The following ZYG11B variants were observed in gnomAD, a reference collection of about 807,000 sequenced individuals.
ZYG11B encodes zyg-11 family member B, cell cycle regulator.
ZYG11B carries 36 observed loss-of-function variants against 82.4 expected under a neutral mutation model. The observed-to-expected ratio is 0.44, with a 90% confidence interval of 0.33 to 0.58. The LOEUF is 0.58. Among genes scored for constraint, ZYG11B ranks in the 20% least tolerant of loss-of-function variants. The pLI, the probability that ZYG11B is intolerant of heterozygous loss-of-function variation, is 0.02. For missense variants in ZYG11B, 552 were observed against 895.6 expected, an observed-to-expected ratio of 0.62 and a Z score of 4.90; for synonymous variants, 303 against 312.8, an observed-to-expected ratio of 0.97 and a Z score of 0.33.
intron 1 of ZYG11B, among the ~76,000 whole-genome samples, chr1:52,743,402 T>TAAAAAA (rs71044414): frequency 2.5e-3 from 173 of 68,856 alleles, no homozygotes; most frequent in Non-Finnish European, 3.2e-3. Context: ...CAATAAATAC[T>TAAAAAA]AAAAAAAAAA....
chr1:52,797,852 G>T (rs895994248), intron 8 of ZYG11B, among the ~76,000 whole-genome samples: 1 of 151,764 alleles, frequency 6.6e-6, no homozygotes, highest in Admixed American at 6.6e-5. Flanking sequence ...CTAGGCATGC[G>T]GTGACCCACA....
intron 4 of ZYG11B, among the ~76,000 whole-genome samples, chr1:52,783,895 C>CGTGTGTGTGTATGTACATACAG (rs764675732): frequency 8.7e-6 from 1 of 115,232 alleles, no homozygotes; most frequent in Non-Finnish European, 1.6e-5. Context: ...TGTACATACA[C>CGTGTGTGTGTATGTACATACAG]GTGTGTGTAT....
chr1:52,764,383 C>T (rs1341220147), intron 2 of ZYG11B, among the ~76,000 whole-genome samples: 1 of 151,954 alleles, frequency 6.6e-6, no homozygotes, highest in Non-Finnish European at 1.5e-5. Context: ...GATCCACCTG[C>T]CTTGGCCTCC....
intron 1 of ZYG11B, among the ~76,000 whole-genome samples, chr1:52,739,806 A>G (rs1276851184): frequency 6.6e-6 from 1 of 151,814 alleles, no homozygotes; most frequent in Non-Finnish European, 1.5e-5. Flanking sequence ...TGGTTTCACC[A>G]TGTTGGCCGG....
intron 2 of ZYG11B, among the ~76,000 whole-genome samples, chr1:52,760,538 T>A (rs977911631): frequency 6.6e-6 from 1 of 152,206 alleles, no homozygotes; most frequent in Non-Finnish European, 1.5e-5. Flanking sequence ...ACATATACAT[T>A]TAAAATTTTT....
chr1:52,808,269 C>T (rs1373645883), intron 10 of ZYG11B, among the ~76,000 whole-genome samples: 1 of 152,040 alleles, frequency 6.6e-6, no homozygotes, highest in Non-Finnish European at 1.5e-5. Flanking sequence ...GAGGCTGAGA[C>T]AGGAGAATCG....
chr1:52,785,085 C>T lies in ZYG11B; in HGVS notation c.1269+32C>T, dbSNP rs775678498. ...TTATGTGAATTCCTTTTCAAATAGT[C>T]CTTGTAGTGTCTTCTACTCATCTCC... is the stretch of plus-strand genomic sequence containing the variant. On this transcript the variant is annotated intron_variant, in intron 5 of 13. Transcript: ENST00000294353. The T allele has an allele frequency of 2.5e-6, 4 of 1,601,372 alleles. No individual in the cohort carries two copies. The African/African-American group carries it at 5.4e-5, about 22-fold the overall frequency.
intron 1 of ZYG11B, among the ~76,000 whole-genome samples, chr1:52,750,526 G>A (rs1644512989): frequency 6.6e-6 from 1 of 152,086 alleles, no homozygotes; most frequent in African/African-American, 2.4e-5. Flanking sequence ...GCCTGCCTTG[G>A]CCTCTCAAAG....
intron 2 of ZYG11B, among the ~76,000 whole-genome samples, chr1:52,762,977 G>GT (rs1491157825): frequency 1.3e-5 from 1 of 76,678 alleles, no homozygotes; most frequent in Admixed American, 1.2e-4. Flanking sequence ...GTGAGAGATT[G>GT]GGGGGGGGGG....
intron 2 of ZYG11B, among the ~76,000 whole-genome samples, chr1:52,764,516 T>C (rs1238274184): frequency 1.3e-5 from 2 of 152,148 alleles, no homozygotes; most frequent in African/African-American, 4.8e-5. Context: ...ATTAATTTGC[T>C]CTTTGACCCT....
rs564402518 is a variant in ZYG11B at position 52,771,301 on chromosome 1, C to T, written c.478C>T (p.Arg160Trp). 55 of 1,614,216 alleles carry T rather than the reference C, an allele frequency of 3.4e-5. No homozygotes were observed. Among genetic ancestry groups the T allele is most frequent in the South Asian group, 3.3e-4 (30 of 91,084 alleles). The change falls in exon 3 of 14, where the codon CGG becomes TGG. Residue 160 changes from arginine (R) to tryptophan (W), a missense_variant. Physicochemically the swap from Arg to Trp is moderately radical, Grantham distance 101 (BLOSUM62 -3). This residue lies in a region of ZYG11B where 359 missense variants were observed against 555.8 expected (regional missense o/e 0.65). Coordinates refer to ENST00000294353, the MANE Select transcript of ZYG11B (RefSeq NM_024646.3). This position sits in a 1 kb window ranked among gnomAD's most constrained non-coding sequence, Gnocchi z 5.4. ...GGATCCTTACGAGCGCTGCTTCAGC[C>T]GGCTTTCTGGCCTTCGAGCTTTAAG... ...LEDPYERCFS[R>W]LSGLRALSIT...
chr1:52,813,207 A>G (rs1645198821), intron 10 of ZYG11B, among the ~76,000 whole-genome samples: 1 of 152,076 alleles, frequency 6.6e-6, no homozygotes, highest in Non-Finnish European at 1.5e-5. Context: ...CACCCTTGTC[A>G]TTACTGAGCC....
At chr1:52,786,806 T>C (rs1644916658) in intron 5 of ZYG11B, among the ~76,000 whole-genome samples, 1 of 150,460 alleles carries the variant, frequency 6.6e-6, no homozygotes, top group African/African-American at 2.5e-5. Context: ...AAAAGAATGT[T>C]CGAGCCGGGC....
chr1:52,813,531 TCCAG>T lies in ZYG11B; in HGVS notation c.1696-4_1696-1del. The T allele has an allele frequency of 6.3e-7, 1 of 1,596,086 alleles. No homozygotes were observed. On this transcript the variant is annotated splice_acceptor_variant and splice_polypyrimidine_tract_variant and intron_variant, in intron 10 of 13. Coordinates refer to ENST00000294353, the MANE Select transcript of ZYG11B (RefSeq NM_024646.3). LOFTEE classifies it high-confidence loss of function. ...TAATTTTTATATTTTCTTTTTTTTTTCCAGAACAATATAGCTGAAGTACAAGAAT... is the reference window on the plus strand; with the variant it reads ...TAATTTTTATATTTTCTTTTTTTTTTAACAATATAGCTGAAGTACAAGAAT...
chr1:52,809,482 C>T (rs1442422938), intron 10 of ZYG11B, among the ~76,000 whole-genome samples: 15 of 152,076 alleles, frequency 9.9e-5, no homozygotes, highest in South Asian at 2.1e-4. Flanking sequence ...CCACCGCGCC[C>T]GGCCACAAAT....
Position 52,821,583 on chromosome 1 carries a change from G to A in ZYG11B, c.2189G>A (p.Gly730Glu). 1 of 1,613,954 alleles carries A rather than the reference G, an allele frequency of 6.2e-7. No individual in the cohort carries two copies. Among genetic ancestry groups the A allele is most frequent in the Non-Finnish European group, 8.5e-7 (1 of 1,179,956 alleles). Residue 730 changes from glycine to glutamate, a missense_variant, in exon 14 of 14, where the codon GGG becomes GAG. Physicochemically the swap from Gly to Glu is moderately conservative, Grantham distance 98. Transcript: ENST00000294353. ...DSLEKHIVRHGRPPPCKKQPQ... is the reference protein window; with the variant it reads ...DSLEKHIVRHERPPPCKKQPQ... ...TTAGAAAAACACATTGTGCGCCATG[G>A]GAGGCCACCTCCCTGTAAAAAACAG... is the stretch of plus-strand genomic sequence containing the variant.
intron 10 of ZYG11B, among the ~76,000 whole-genome samples, chr1:52,803,265 T>TACACAC (rs1227030663): frequency 6.9e-5 from 5 of 72,348 alleles, no homozygotes; most frequent in Non-Finnish European, 1.3e-4. Context: ...TATATATATA[T>TACACAC]ACACACACAC....
intron 13 of ZYG11B, among the ~76,000 whole-genome samples, chr1:52,819,924 A>AT (rs1010567590): frequency 2.0e-4 from 30 of 146,624 alleles, no homozygotes; most frequent in Non-Finnish European, 2.6e-4. Flanking sequence ...ATTTTATTTT[A>AT]TTTTTTTTTT....
chr1:52,755,072 TG>T (rs1310159318), intron 1 of ZYG11B, among the ~76,000 whole-genome samples: 1 of 151,198 alleles, frequency 6.6e-6, no homozygotes, highest in Non-Finnish European at 1.5e-5. Context: ...GCCATTCTCC[TG>T]CCTCAGCCAC....
Sources: gnomAD v4.1 joint callset for allele counts (sites outside exome capture counted in the v4.1 genomes callset) on GRCh38, gnomAD v4.1.1 for gene constraint, gnomAD v4.1.1 regional missense constraint, Gnocchi (gnomAD v3.1) non-coding constraint, MANE v1.5 for transcripts, NCBI Gene and HGNC (gene_info 2026-07-23, HGNC 2026-07-21) for gene names.